Variants in GPC5 observed in about 807,000 individuals in gnomAD.
GPC5 encodes the protein glypican-5.
GPC5 carries 47 observed loss-of-function variants against 53.9 expected under a neutral mutation model. That is an observed-to-expected ratio of 0.87 (90% CI 0.69 to 1.11). The LOEUF (loss-of-function observed/expected upper bound fraction) is 1.11. Ranked by LOEUF, GPC5 falls within the 50% of genes most tolerant of loss-of-function variation. The pLI, the probability that GPC5 is intolerant of heterozygous loss-of-function variation, is 0.00. For missense variants in GPC5, 748 were observed against 713.1 expected (o/e 1.05, Z -0.56); for synonymous variants, 286 against 263.3 (o/e 1.09, Z -0.84).
intron 7 of GPC5, among the ~76,000 whole-genome samples, chr13:92,546,802 A>G (rs1178249371): frequency 6.6e-6 from 1 of 152,216 alleles, no homozygotes; most frequent in Non-Finnish European, 1.5e-5. Flanking sequence ...ACAGCATGGT[A>G]CTGCTACCAA....
At chr13:91,771,451 T>A (rs1258470511) in intron 5 of GPC5, among the ~76,000 whole-genome samples, 1 of 152,162 alleles carries the variant, frequency 6.6e-6, no homozygotes, top group Non-Finnish European at 1.5e-5. Flanking sequence ...ATTTCATCCA[T>A]GTAAACAAAA....
At chr13:91,877,498 G>A (rs537108369) in intron 5 of GPC5, among the ~76,000 whole-genome samples, 1 of 152,270 alleles carries the variant, frequency 6.6e-6, no homozygotes, top group South Asian at 2.1e-4. Flanking sequence ...CTGCCCTGCT[G>A]GATTTCAGAC....
chr13:92,082,331 G>A (rs2041302491), intron 6 of GPC5, among the ~76,000 whole-genome samples: 3 of 152,042 alleles, frequency 2.0e-5, no homozygotes, highest in Admixed American at 6.6e-5. Flanking sequence ...AACTTAATTT[G>A]GGGAAAGAAA....
rs67401983 is a variant in GPC5, at chr13:92,035,755, T to TAAA, written c.1402-109065_1402-109063dup. 1.7e-3 allele frequency among the ~76,000 whole-genome samples: 224 copies of TAAA among 129,442 alleles called. 9 individuals carry two copies. The highest frequency in any genetic ancestry group is 5.4e-3 in the African/African-American group (189 of 35,058). The allele number at this position is 129,442 out of a possible 152,430, so 84.9% of individuals were successfully genotyped here. On this transcript the variant is annotated intron_variant, in intron 6 of 7. Coordinates refer to ENST00000377067, the MANE Select transcript of GPC5 (RefSeq NM_004466.6). ...CAGATGTTTCTTTCTGAGGAAATGT[T>TAAA]AAAAAAAAAAAACAAAAAAAACAAT... is the stretch of plus-strand genomic sequence containing the variant.
intron 7 of GPC5, among the ~76,000 whole-genome samples, chr13:92,834,490 A>T (rs907696930): frequency 5.3e-5 from 8 of 152,158 alleles, no homozygotes; most frequent in African/African-American, 1.9e-4. Flanking sequence ...GATAGAAATT[A>T]TAAAGTTAGA....
At chr13:92,632,463 C>CATATATATATATATATATATATATAT (rs34336057) in intron 7 of GPC5, among the ~76,000 whole-genome samples, 5 of 120,090 alleles carry the variant, frequency 4.2e-5, no homozygotes, top group Admixed American at 1.6e-4. Flanking sequence ...AAATATTCCA[C>CATATATATATATATATATATATATAT]ATATATATAT....
At chr13:91,789,788 A>G (rs904940430) in intron 5 of GPC5, among the ~76,000 whole-genome samples, 3 of 152,146 alleles carry the variant, frequency 2.0e-5, no homozygotes, top group African/African-American at 7.2e-5. Flanking sequence ...CTATATTGAG[A>G]TAGGATAGTG....
intron 2 of GPC5, among the ~76,000 whole-genome samples, chr13:91,649,502 T>C (rs2034643699): frequency 6.6e-6 from 1 of 152,224 alleles, no homozygotes; most frequent in Non-Finnish European, 1.5e-5. Context: ...TGCCTCTTTC[T>C]GATATTACTT....
intron 6 of GPC5, among the ~76,000 whole-genome samples, chr13:91,964,210 A>C (rs1056415049): frequency 6.6e-6 from 1 of 152,208 alleles, no homozygotes; most frequent in Non-Finnish European, 1.5e-5. Context: ...TCACAAAGGC[A>C]GTGCAGACCC....
At chr13:91,529,588 A>G (rs1455560475) in intron 2 of GPC5, among the ~76,000 whole-genome samples, 3 of 151,024 alleles carry the variant, frequency 2.0e-5, no homozygotes, top group Non-Finnish European at 2.9e-5. Flanking sequence ...TGAAAAAGTA[A>G]TCATGCAGTA....
At chr13:92,366,248 G>A (rs1420904712) in intron 7 of GPC5, among the ~76,000 whole-genome samples, 1 of 151,760 alleles carries the variant, frequency 6.6e-6, no homozygotes, top group Non-Finnish European at 1.5e-5. Context: ...AAGACAACAA[G>A]TAAAGCTTTG....
rs189312135 is a variant in GPC5 at position 92,139,439 on chromosome 13, G to A, written c.1402-5391G>A. Among the ~76,000 whole-genome samples, 1,146 of 152,172 alleles carry A rather than the reference G, an allele frequency of 7.5e-3. 15 individuals are homozygous for A. Among genetic ancestry groups the A allele is most frequent in the African/African-American group, 0.026 (1,079 of 41,524 alleles). On this transcript the variant is annotated intron_variant, in intron 6 of 7. Transcript: ENST00000377067. ...TCCCAGCACTTTGGGAGGCCGAGGC[G>A]GGTGGATCATGAGGTCAGGAGATCG...
chr13:92,276,441 A>G (rs2042876303), intron 7 of GPC5, among the ~76,000 whole-genome samples: 1 of 152,090 alleles, frequency 6.6e-6, no homozygotes. Context: ...TGACGAGACT[A>G]TTATTCTTTG....
intron 6 of GPC5, among the ~76,000 whole-genome samples, chr13:91,944,371 C>T (rs1448733005): frequency 6.6e-6 from 1 of 152,268 alleles, no homozygotes; most frequent in Non-Finnish European, 1.5e-5. Context: ...TCTGGGATTA[C>T]AGGCGTGAGC....
chr13:91,996,466 A>G (rs1260168116), intron 6 of GPC5: 1 of 152,260 alleles, frequency 6.6e-6, no homozygotes, highest in East Asian at 1.9e-4. Flanking sequence ...ATATAGTAGA[A>G]TGAGACTTTT....
Position 91,739,608 on chromosome 13 carries a change from T to A in GPC5, c.1154+10943T>A, listed in dbSNP as rs2036886110. 2.6e-5 allele frequency among the ~76,000 whole-genome samples: 4 copies of A among 151,134 alleles called. 1 individual carries two copies. Among genetic ancestry groups the A allele is most frequent in the African/African-American group, 9.9e-5 (4 of 40,514 alleles). On this transcript the variant is annotated intron_variant, in intron 4 of 7. Coordinates refer to ENST00000377067, the MANE Select transcript of GPC5 (RefSeq NM_004466.6). Reference sequence around the variant, plus strand: ...TCCCAAGATTGCTTGCTCACATGGCTGTTGGTGGGAGGCCTCCGTTTGTTG... The same window carrying A: ...TCCCAAGATTGCTTGCTCACATGGCAGTTGGTGGGAGGCCTCCGTTTGTTG...
chr13:91,794,286 T>G (rs1022199921), intron 5 of GPC5, among the ~76,000 whole-genome samples: 3 of 152,186 alleles, frequency 2.0e-5, no homozygotes, highest in Admixed American at 2.0e-4. Context: ...GGGTTAGAAA[T>G]TATAAGCCCC....
chr13:92,330,498 G>A (rs1019426285), intron 7 of GPC5, among the ~76,000 whole-genome samples: 1 of 152,094 alleles, frequency 6.6e-6, no homozygotes, highest in Non-Finnish European at 1.5e-5. Flanking sequence ...AGCAGGTAAT[G>A]TATGTAGGTT....
At chr13:91,798,833 T>G (rs1257558035) in intron 5 of GPC5, among the ~76,000 whole-genome samples, 2 of 152,144 alleles carry the variant, frequency 1.3e-5, no homozygotes, top group African/African-American at 4.8e-5. Flanking sequence ...ACTCCCACCA[T>G]CAGTGTGAAA....
Sources: allele counts gnomAD v4.1 joint callset (sites outside exome capture counted in the v4.1 genomes callset), GRCh38; gene constraint gnomAD v4.1.1; transcripts MANE v1.5; gene names NCBI Gene and HGNC (gene_info 2026-07-23, HGNC 2026-07-21).